Variants in ZYG11B observed in about 807,000 individuals in gnomAD.
ZYG11B encodes zyg-11 family member B, cell cycle regulator.
A neutral mutation model predicts 82.4 loss-of-function variants in ZYG11B; 36 were observed. The ratio of observed to expected loss-of-function variants is 0.44; its 90% CI spans 0.33 to 0.58. ZYG11B has a LOEUF of 0.58. Among genes scored for constraint, ZYG11B ranks in the 20% least tolerant of loss-of-function variants. ZYG11B has a pLI of 0.02. For missense variants in ZYG11B, 552 were observed against 895.6 expected (o/e 0.62, Z 4.90); for synonymous variants, 303 against 312.8 (o/e 0.97, Z 0.33).
rs970299680 is a variant in ZYG11B at position 52,824,931 on chromosome 1, G to A, written c.*3302G>A. The A allele has an allele frequency of 2.0e-5, 3 of 152,050 alleles. No homozygotes were observed. The highest frequency in any genetic ancestry group is 7.2e-5 in the African/African-American group (3 of 41,390). 9.4% of individuals were successfully genotyped at this position (152,050 alleles called of 1,614,324 possible). A position where few individuals can be genotyped will look rare whatever the true frequency, so the allele number is the denominator to read the frequency against. On this transcript the variant is annotated 3_prime_UTR_variant, in exon 14 of 14. Coordinates refer to ENST00000294353, the MANE Select transcript of ZYG11B (RefSeq NM_024646.3). ...TCAGTGGCTAGAGGTGCTGTTTCAAGCACAATTTAGACTAGGGTTGAACCA... is the reference window on the plus strand; with the variant it reads ...TCAGTGGCTAGAGGTGCTGTTTCAAACACAATTTAGACTAGGGTTGAACCA...
intron 2 of ZYG11B, among the ~76,000 whole-genome samples, chr1:52,762,134 T>C (rs1486321764): frequency 6.6e-6 from 1 of 152,080 alleles, no homozygotes; most frequent in African/African-American, 2.4e-5. Flanking sequence ...CTCTGTTGAT[T>C]GTTTCCTTTG....
intron 8 of ZYG11B, among the ~76,000 whole-genome samples, chr1:52,797,901 G>C (rs1490827169): frequency 6.6e-6 from 1 of 151,806 alleles, no homozygotes; most frequent in Non-Finnish European, 1.5e-5. Flanking sequence ...AGGCAGGAGG[G>C]GATCACTTGA....
Position 52,775,670 on chromosome 1 carries a change from G to A in ZYG11B, c.951+3896G>A, listed in dbSNP as rs985183132. On this transcript the variant is annotated intron_variant, in intron 3 of 13. Transcript: ENST00000294353. ...TGTGGCACTGCACTCCAGCCTGGGC[G>A]ATAGAGTGGGTCTGTGTCTCAAAAA... 5.4e-5 allele frequency among the ~76,000 whole-genome samples: 8 copies of A among 147,192 alleles called. No individual in the cohort carries two copies. In the South Asian group the frequency reaches 1.3e-3, roughly 24 times the overall value.
intron 8 of ZYG11B, among the ~76,000 whole-genome samples, chr1:52,798,339 G>A (rs930738683): frequency 5.3e-5 from 8 of 151,148 alleles, no homozygotes; most frequent in African/African-American, 1.9e-4. Flanking sequence ...CTAAGGCCAA[G>A]CACAGTGGTT....
intron 13 of ZYG11B, among the ~76,000 whole-genome samples, chr1:52,817,324 C>A (rs1054690364): frequency 6.6e-6 from 1 of 152,046 alleles, no homozygotes; most frequent in Non-Finnish European, 1.5e-5. Context: ...CTGCCAGCAC[C>A]CATGGTTTCT....
intron 3 of ZYG11B, among the ~76,000 whole-genome samples, chr1:52,778,407 T>C (rs1434791125): frequency 1.3e-5 from 2 of 152,108 alleles, no homozygotes; most frequent in Non-Finnish European, 2.9e-5. Context: ...ATTACAGATA[T>C]AAGCCACTCT....
At chr1:52,761,658 G>A (rs1644632532) in intron 2 of ZYG11B, among the ~76,000 whole-genome samples, 1 of 152,176 alleles carries the variant, frequency 6.6e-6, no homozygotes, top group African/African-American at 2.4e-5. Flanking sequence ...GGGTACAGAT[G>A]TCTCTTTGAT....
intron 1 of ZYG11B, among the ~76,000 whole-genome samples, chr1:52,731,284 G>GA (rs68054450): frequency 6.8e-4 from 95 of 139,050 alleles, no homozygotes; most frequent in African/African-American, 8.8e-4. Context: ...CAAAAAAAAA[G>GA]AAAAAAAAAA....
chr1:52,789,518 T>C (rs1193249719), intron 5 of ZYG11B, among the ~76,000 whole-genome samples: 1 of 152,180 alleles, frequency 6.6e-6, no homozygotes, highest in Admixed American at 6.5e-5. Context: ...TTTACTCTTG[T>C]TTAATTGTGC....
chr1:52,816,199 T>C (rs1027208726), intron 12 of ZYG11B, among the ~76,000 whole-genome samples: 5 of 152,224 alleles, frequency 3.3e-5, no homozygotes, highest in Admixed American at 6.5e-5. Flanking sequence ...GTTCTACTAG[T>C]TAGTTATCAC....
At chr1:52,774,989 CCCAAAGTAA>C (rs1363596885) in intron 3 of ZYG11B, among the ~76,000 whole-genome samples, 2 of 152,060 alleles carry the variant, frequency 1.3e-5, no homozygotes, top group African/African-American at 4.8e-5. Flanking sequence ...TTTTATTTGA[CCCAAAGTAA>C]AATGGTATTT....
intron 3 of ZYG11B, chr1:52,772,678 GT>G (rs942985584): frequency 0.011 from 6,456 of 599,532 alleles, no homozygotes; most frequent in Middle Eastern, 0.014. Flanking sequence ...CGAAAGGCTT[GT>G]TTTTTTTTTT....
chr1:52,772,369 T>C, intron 3 of ZYG11B: 2 of 1,535,896 alleles, frequency 1.3e-6, no homozygotes, highest in Non-Finnish European at 1.8e-6. Flanking sequence ...GCAACTGCTT[T>C]CTTAATTAAA....
chr1:52,785,537 A>G (rs1043991236), intron 5 of ZYG11B, among the ~76,000 whole-genome samples: 2 of 151,894 alleles, frequency 1.3e-5, no homozygotes, highest in Non-Finnish European at 2.9e-5. Flanking sequence ...ACTCACTGCA[A>G]CCTCCACTTC....
At chr1:52,803,239 TAC>T (rs764253745) in intron 10 of ZYG11B, among the ~76,000 whole-genome samples, 8,282 of 60,534 alleles carry the variant, frequency 0.14, 1,676 homozygotes, top group East Asian at 0.56. Flanking sequence ...CATATATATA[TAC>T]ACACACACAT....
At position 52,771,504 on chromosome 1, in the gene ZYG11B, C is replaced by T. The variant is rs1465629461; in HGVS notation, c.681C>T (p.Thr227=). 6.2e-7 allele frequency: 1 copy of T among 1,613,796 alleles called. No individual in the cohort carries two copies. The highest frequency in any genetic ancestry group is 8.5e-7 in the Non-Finnish European group (1 of 1,179,938). Residue 227 remains threonine, a synonymous_variant, in exon 3 of 14, where the codon ACC becomes ACT. Coordinates refer to ENST00000294353, the MANE Select transcript of ZYG11B (RefSeq NM_024646.3). This position sits in a 1 kb window ranked among gnomAD's most constrained non-coding sequence, Gnocchi z 5.4. ...HHLKCLKMTT[T]QILDVVRELK... ...TGAAATGTTTAAAAATGACAACTAC[C>T]CAGATACTGGATGTAGTTCGGGAAC...
chr1:52,743,555 T>C (rs1281710335), intron 1 of ZYG11B, among the ~76,000 whole-genome samples: 2 of 150,438 alleles, frequency 1.3e-5, no homozygotes, highest in Non-Finnish European at 3.0e-5. Context: ...TTACCAAAAA[T>C]AAAAAAAAAT....
At position 52,783,893 on chromosome 1, in the gene ZYG11B, C is replaced by CATGTGTGTGTGTGTGTACATAT. The variant is rs74193327; in HGVS notation, c.1093-983_1093-982insTGTGTGTGTGTGTGTACATATA. On this transcript the variant is annotated intron_variant, in intron 4 of 13. Coordinates refer to ENST00000294353, the MANE Select transcript of ZYG11B (RefSeq NM_024646.3). ...ATACACGTGTGTGTATATGTACATA[C>CATGTGTGTGTGTGTGTACATAT]ACGTGTGTGTATATACATCTATACA... 8.1e-4 allele frequency among the ~76,000 whole-genome samples: 66 copies of CATGTGTGTGTGTGTGTACATAT among 81,968 alleles called. 1 individual carries two copies. Among genetic ancestry groups the CATGTGTGTGTGTGTGTACATAT allele is most frequent in the South Asian group, 2.9e-3 (7 of 2,442 alleles). 53.8% of individuals were successfully genotyped at this position (81,968 alleles called of 152,430 possible). A position where few individuals can be genotyped will look rare whatever the true frequency, so the allele number is the denominator to read the frequency against.
chr1:52,825,163 AG>A lies in ZYG11B; in HGVS notation c.*3536del, dbSNP rs1645314422. The A allele has an allele frequency of 6.6e-6, 1 of 152,156 alleles. No homozygotes were observed. Among genetic ancestry groups the A allele is most frequent in the Non-Finnish European group, 1.5e-5 (1 of 68,028 alleles). The allele number at this position is 152,156 out of a possible 1,614,324, so 9.4% of individuals were successfully genotyped here. A position where few individuals can be genotyped will look rare whatever the true frequency, so the allele number is the denominator to read the frequency against. On this transcript the variant is annotated 3_prime_UTR_variant, in exon 14 of 14. Coordinates refer to ENST00000294353, the MANE Select transcript of ZYG11B (RefSeq NM_024646.3). ...CAACAGATTTGAGCAAATACAATTA[AG>A]GTGTCTTATTTTTTGCATCAAGTAA...
Sources: gnomAD v4.1 joint callset for allele counts (sites outside exome capture counted in the v4.1 genomes callset) on GRCh38, gnomAD v4.1.1 for gene constraint, Gnocchi (gnomAD v3.1) non-coding constraint, MANE v1.5 for transcripts, NCBI Gene and HGNC (gene_info 2026-07-23, HGNC 2026-07-21) for gene names.